The following NNT variants were observed in gnomAD, a reference collection of about 807,000 sequenced individuals.
NNT encodes the protein NAD(P) transhydrogenase, mitochondrial.
In NNT, 50 loss-of-function variants were observed where a neutral mutation model predicts 104.8. The ratio of observed to expected loss-of-function variants is 0.48; its 90% CI spans 0.38 to 0.60. The LOEUF is 0.60. Among genes scored for constraint, NNT ranks in the 20% least tolerant of loss-of-function variants. The pLI is 0.00. For missense variants in NNT, 1,131 were observed against 1,330.7 expected (o/e 0.85, Z 2.33); for synonymous variants, 461 against 490.4 (o/e 0.94, Z 0.79).
intron 17 of NNT, 114 bp from the exon 18 acceptor site, chr5:43,675,397 A>T: frequency 1.1e-6 from 1 of 935,712 alleles, no homozygotes; most frequent in Non-Finnish European, 1.5e-6. Flanking sequence ...AAAGTGTTTT[A>T]AATGATCAAA....
chr5:43,656,752 A>G lies in NNT; in HGVS notation c.2393A>G (p.Asp798Gly), dbSNP rs758176865. 3.7e-6 allele frequency: 6 copies of G among 1,614,016 alleles called. No homozygotes were observed. Among genetic ancestry groups the G allele is most frequent in the Non-Finnish European group, 4.2e-6 (5 of 1,180,022 alleles). The change falls in exon 16 of 22, where the codon GAC becomes GGC. Residue 798 changes from aspartate (D) to glycine (G), a missense_variant. Transcript: ENST00000344920. ...GGCGGGATAATCCCATTCATGGTGGACCCAAGCTTTACTACTGGCATCACC... is the reference window on the plus strand; with the variant it reads ...GGCGGGATAATCCCATTCATGGTGGGCCCAAGCTTTACTACTGGCATCACC... ...SVGGIIPFMV[D>G]PSFTTGITCL...
At chr5:43,651,214 T>G (rs1739740236) in intron 12 of NNT, among the ~76,000 whole-genome samples, 1 of 152,192 alleles carries the variant, frequency 6.6e-6, no homozygotes, top group Non-Finnish European at 1.5e-5. Flanking sequence ...GATAGCAAGT[T>G]TTCTTCCTGA....
intron 12 of NNT, among the ~76,000 whole-genome samples, chr5:43,651,449 G>A (rs1361408283): frequency 3.3e-5 from 5 of 151,946 alleles, no homozygotes. Context: ...ATAGTGGCGC[G>A]AGCCTATAAT....
At chr5:43,662,591 T>C (rs2054305520) in intron 17 of NNT, among the ~76,000 whole-genome samples, 1 of 152,030 alleles carries the variant, frequency 6.6e-6, no homozygotes, top group African/African-American at 2.4e-5. Context: ...AGTTTAAGTT[T>C]TAATTAAAAA....
chr5:43,653,598 CAT>C (rs1481841719), intron 14 of NNT: 1 of 130,414 alleles, frequency 7.7e-6, no homozygotes, highest in Non-Finnish European at 1.6e-5. Flanking sequence ...AAAAAAAAAA[CAT>C]GTGCCAGCAG....
intron 14 of NNT, among the ~76,000 whole-genome samples, chr5:43,654,411 T>C (rs1434408089): frequency 1.3e-5 from 2 of 152,254 alleles, no homozygotes; most frequent in African/African-American, 4.8e-5. Flanking sequence ...CACAAATAAT[T>C]GAGCAAATAA....
At chr5:43,642,934 T>C (rs10473316) in intron 7 of NNT, among the ~76,000 whole-genome samples, 4,833 of 152,250 alleles carry the variant, frequency 0.032, 218 homozygotes, top group African/African-American at 0.1. Flanking sequence ...AAAATATGTA[T>C]ATTTTAAAGA....
At chr5:43,622,543 C>A (rs568008225) in intron 5 of NNT, among the ~76,000 whole-genome samples, 4 of 152,354 alleles carry the variant, frequency 2.6e-5, no homozygotes, top group Admixed American at 2.6e-4. Context: ...GCTGGGATCA[C>A]AGGCCTGAGC....
chr5:43,672,636 C>T (rs911717363), intron 17 of NNT, among the ~76,000 whole-genome samples: 2 of 152,214 alleles, frequency 1.3e-5, no homozygotes, highest in African/African-American at 4.8e-5. Flanking sequence ...CCTGATCGTT[C>T]CTCTGGAAGC....
rs575244772 is a variant in NNT, at chr5:43,695,663, C to G, written c.2877-4456C>G. Among the ~76,000 whole-genome samples the G allele has an allele frequency of 8.5e-5, 13 of 152,206 alleles. No homozygotes were observed. The South Asian group carries it at 2.7e-3, about 32-fold the overall frequency. ...TAGGAGGCATCCAAGGTGTATTAGTCCATTTTCATGCTGCTGATAAAGACT... is the reference window on the plus strand; with the variant it reads ...TAGGAGGCATCCAAGGTGTATTAGTGCATTTTCATGCTGCTGATAAAGACT... On this transcript the variant is annotated intron_variant, in intron 19 of 21. Coordinates refer to ENST00000344920, the MANE Select transcript of NNT (RefSeq NM_182977.3).
At chr5:43,621,077 G>C (rs114326423) in intron 5 of NNT, among the ~76,000 whole-genome samples, 1 of 152,202 alleles carries the variant, frequency 6.6e-6, no homozygotes, top group Non-Finnish European at 1.5e-5. Context: ...AGCTCATTAA[G>C]GTGGATTGCA....
chr5:43,631,463 C>CAGCT (rs1750673187), intron 7 of NNT, among the ~76,000 whole-genome samples: 1 of 152,148 alleles, frequency 6.6e-6, no homozygotes, highest in Admixed American at 6.5e-5. Context: ...CTCTGAGAGG[C>CAGCT]AGCTGCGCAT....
At chr5:43,645,709 A>ATTTTTTTTTT (rs70997422) in intron 10 of NNT, 199 bp downstream of exon 10, 2 of 44,290 alleles carry the variant, frequency 4.5e-5, no homozygotes, top group Non-Finnish European at 3.9e-5. Context: ...ATATATATAT[A>ATTTTTTTTTT]TTTTTTTTTT....
At chr5:43,640,785 A>G (rs569369578) in intron 7 of NNT, among the ~76,000 whole-genome samples, 42 of 151,010 alleles carry the variant, frequency 2.8e-4, no homozygotes, top group Non-Finnish European at 3.8e-4. Context: ...TTTTTGTCTG[A>G]GAATTGTAAT....
intron 14 of NNT, 31 bp from the exon 15 acceptor site, chr5:43,655,809 G>GT: frequency 6.5e-7 from 1 of 1,543,300 alleles, no homozygotes; most frequent in Non-Finnish European, 9.0e-7. Flanking sequence ...AGTTTGTCAA[G>GT]TTTTAATTTA....
chr5:43,663,063 A>T (rs1415391341), intron 17 of NNT, among the ~76,000 whole-genome samples: 1 of 152,124 alleles, frequency 6.6e-6, no homozygotes, highest in African/African-American at 2.4e-5. Context: ...TATTTAATAT[A>T]TTATGTAATT....
chr5:43,699,853 T>G (rs1742758412), intron 19 of NNT, among the ~76,000 whole-genome samples: 2 of 152,222 alleles, frequency 1.3e-5, no homozygotes, highest in Non-Finnish European at 2.9e-5. Context: ...TTATTGGAAG[T>G]TCACTGCACT....
chr5:43,674,223 C>G (rs1272148510), intron 17 of NNT, among the ~76,000 whole-genome samples: 7 of 152,076 alleles, frequency 4.6e-5, no homozygotes, highest in Non-Finnish European at 1.0e-4. Flanking sequence ...CATTTTGATT[C>G]ATCATCTTTG....
chr5:43,692,455 C>G (rs918160706), intron 19 of NNT, among the ~76,000 whole-genome samples: 1 of 152,192 alleles, frequency 6.6e-6, no homozygotes, highest in African/African-American at 2.4e-5. Context: ...TCCCAAGTAG[C>G]TGGGGTTACA....
Sources: gnomAD v4.1 joint callset for allele counts (sites outside exome capture counted in the v4.1 genomes callset) on GRCh38, gnomAD v4.1.1 for gene constraint, MANE v1.5 for transcripts, NCBI Gene and HGNC (gene_info 2026-07-23, HGNC 2026-07-21) for gene names.